DR1: variants seen among roughly 807,000 people sequenced by gnomAD.
DR1 encodes the protein down-regulator of transcription 1.
DR1 carries 7 observed loss-of-function variants against 19.9 expected under a neutral mutation model. That is an observed-to-expected ratio of 0.35 (90% CI 0.20 to 0.66). DR1 has a LOEUF of 0.66. Among genes scored for constraint, DR1 ranks in the 30% least tolerant of loss-of-function variants. The pLI, the probability that DR1 is intolerant of heterozygous loss-of-function variation, is 0.66. For synonymous variants in DR1, 76 were observed against 72.5 expected (o/e 1.05, Z -0.24); for missense variants, 98 against 203.7 (o/e 0.48, Z 3.16).
intron 1 of DR1, among the ~76,000 whole-genome samples, chr1:93,351,436 C>CTTTTTT (rs397862048): frequency 1.8e-4 from 19 of 103,840 alleles, no homozygotes; most frequent in East Asian, 2.8e-4. Flanking sequence ...GATTTTCTTT[C>CTTTTTT]TTTTTTTTTT....
In DR1 at chr1:93,362,517, G is replaced by A. The variant is rs1002652805; in HGVS notation, c.*1878G>A. The A allele has an allele frequency of 2.7e-5, 4 of 149,500 alleles. No individual in the cohort carries two copies. The highest frequency in any genetic ancestry group is 9.8e-5 in the African/African-American group (4 of 40,650). 9.3% of individuals were successfully genotyped at this position (149,500 alleles called of 1,614,324 possible). ...ATGTATTATACGTTTGAAGCCTAGT[G>A]ACTTTTCATTTTGACATTCTTGTGA... On this transcript the variant is annotated 3_prime_UTR_variant, in exon 3 of 3. Transcript: ENST00000370272.
chr1:93,346,181 T>TGGCGGC lies in DR1; in HGVS notation c.-458_-453dup, dbSNP rs1295046575. Reference sequence around the variant, plus strand: ...TGGCCGAGGCGGCGGCAACGGCTGCTGGCGGCGGCGGCAGCGGCAGCGGGG... The same window carrying TGGCGGC: ...TGGCCGAGGCGGCGGCAACGGCTGCTGGCGGCGGCGGCGGCGGCAGCGGCAGCGGGG... On this transcript the variant is annotated 5_prime_UTR_variant, in exon 1 of 3. Transcript: ENST00000370272. 1 of 224,568 alleles carries TGGCGGC rather than the reference T, an allele frequency of 4.5e-6. No individual in the cohort carries two copies. The highest frequency in any genetic ancestry group is 1.7e-4 in the East Asian group (1 of 6,048). 13.9% of individuals were successfully genotyped at this position (224,568 alleles called of 1,614,324 possible).
chr1:93,355,091 T>C (rs1004839165), intron 2 of DR1: 4 of 152,120 alleles, frequency 2.6e-5, no homozygotes, highest in Admixed American at 2.6e-4. Flanking sequence ...TTAAAAACAT[T>C]AATGGCTATT....
rs772435498 is a variant in DR1 at position 93,360,507 on chromosome 1, A to G, written c.399A>G (p.Gln133=). Residue 133 remains glutamine, a synonymous_variant, in exon 3 of 3, where the codon CAA becomes CAG. Coordinates refer to ENST00000370272, the MANE Select transcript of DR1 (RefSeq NM_001938.3). ...QELFAKARQQ[Q]AELAQQEWLQ... Reference sequence around the variant, plus strand: ...TGGGTGTTTAGGCTAGACAGCAACAAGCAGAATTGGCCCAACAGGAATGGC... The same window carrying G: ...TGGGTGTTTAGGCTAGACAGCAACAGGCAGAATTGGCCCAACAGGAATGGC... 3.8e-6 allele frequency: 6 copies of G among 1,582,558 alleles called. No individual in the cohort carries two copies. In the South Asian group the frequency reaches 7.1e-5, roughly 19 times the overall value.
In DR1 at chr1:93,346,412, C is replaced by T; in HGVS notation, c.-234C>T. On this transcript the variant is annotated 5_prime_UTR_variant, in exon 1 of 3. Transcript: ENST00000370272. Reference sequence around the variant, plus strand: ...TCCCCTCCTCAGCCTGGGCTGTGCTCTCTCTAGAATCCTCGGGCCCCCACT... The same window carrying T: ...TCCCCTCCTCAGCCTGGGCTGTGCTTTCTCTAGAATCCTCGGGCCCCCACT... The T allele has an allele frequency of 5.5e-6, 3 of 545,818 alleles. No homozygotes were observed. Among genetic ancestry groups the T allele is most frequent in the Admixed American group, 6.2e-5 (2 of 32,066 alleles). The allele number at this position is 545,818 out of a possible 1,614,324, so 33.8% of individuals were successfully genotyped here.
chr1:93,363,028 T>C lies in DR1; in HGVS notation c.*2389T>C, dbSNP rs988293804. Reference sequence around the variant, plus strand: ...TTCGGCAGATTATCAGATTAGTAAGTGTTTAAAAGGCATCAGTTTTTAAAA... The same window carrying C: ...TTCGGCAGATTATCAGATTAGTAAGCGTTTAAAAGGCATCAGTTTTTAAAA... On this transcript the variant is annotated 3_prime_UTR_variant, in exon 3 of 3. Coordinates refer to ENST00000370272, the MANE Select transcript of DR1 (RefSeq NM_001938.3). 8 of 152,026 alleles carry C rather than the reference T, an allele frequency of 5.3e-5. No homozygotes were observed. Among genetic ancestry groups the C allele is most frequent in the Admixed American group, 2.6e-4 (4 of 15,272 alleles). The allele number at this position is 152,026 out of a possible 1,614,324, so 9.4% of individuals were successfully genotyped here. A position where few individuals can be genotyped will look rare whatever the true frequency, so the allele number is the denominator to read the frequency against.
chr1:93,359,172 TTAGAATTTATATC>T, intron 2 of DR1, among the ~76,000 whole-genome samples: 3 of 152,318 alleles, frequency 2.0e-5, no homozygotes, highest in Admixed American at 2.0e-4. Context: ...AGTGACCTGA[TTAGAATTTATATC>T]TAGAAATGTT....
At chr1:93,357,747 C>T (rs925458954) in intron 2 of DR1, among the ~76,000 whole-genome samples, 4 of 151,996 alleles carry the variant, frequency 2.6e-5, no homozygotes. Context: ...GGATAGCTTT[C>T]CCCCAAGGTA....
rs1480372125 is a variant in DR1, at chr1:93,366,366, A to G, written c.*5727A>G. 6.6e-6 allele frequency: 1 copy of G among 152,182 alleles called. No homozygotes were observed. The highest frequency in any genetic ancestry group is 1.9e-4 in the East Asian group (1 of 5,192). The allele number at this position is 152,182 out of a possible 1,614,324, so 9.4% of individuals were successfully genotyped here. On this transcript the variant is annotated 3_prime_UTR_variant, in exon 3 of 3. Transcript: ENST00000370272. ...AATGCTTCTGTGAACGTGGGTATAC[A>G]AATAACTGTTTGAGTCCTAATAGGC...
At chr1:93,357,604 G>C (rs1033646002) in intron 2 of DR1, among the ~76,000 whole-genome samples, 2 of 151,990 alleles carry the variant, frequency 1.3e-5, no homozygotes, top group Non-Finnish European at 2.9e-5. Flanking sequence ...TTTAACTTCT[G>C]TCCTACCACA....
At chr1:93,354,447 G>A (rs190929387) in intron 2 of DR1, among the ~76,000 whole-genome samples, 138 of 152,268 alleles carry the variant, frequency 9.1e-4, no homozygotes, top group African/African-American at 3.2e-3. Flanking sequence ...TATCAACTGT[G>A]TAGTTAAATT....
At position 93,362,329 on chromosome 1, in the gene DR1, A is replaced by G. The variant is rs1667065376; in HGVS notation, c.*1690A>G. 1 of 152,462 alleles carries G rather than the reference A, an allele frequency of 6.6e-6. No individual in the cohort carries two copies. The highest frequency in any genetic ancestry group is 2.4e-5 in the African/African-American group (1 of 41,446). The allele number at this position is 152,462 out of a possible 1,614,324, so 9.4% of individuals were successfully genotyped here. On this transcript the variant is annotated 3_prime_UTR_variant, in exon 3 of 3. Transcript: ENST00000370272. ...AGTACCAAAGGTAGTCTAGTCTAGA[A>G]CGATAAGTTAATACGTGTTGGCTTT...
At chr1:93,354,172 C>T in intron 2 of DR1, 101 bp downstream of exon 2, 1 of 1,184,970 alleles carries the variant, frequency 8.4e-7, no homozygotes, top group Non-Finnish European at 1.2e-6. Flanking sequence ...TTCCCTTTTT[C>T]TAGGTAGTTG....
rs751080877 is a variant in DR1, at chr1:93,346,645, T to C, written c.-1T>C. ...CGGGGCGCGAGAAACAGGAAGGTAC[T>C]ATGGCTTCCTCGTCTGGCAACGATG... is the stretch of plus-strand genomic sequence containing the variant. On this transcript the variant is annotated 5_prime_UTR_variant, in exon 1 of 3. Coordinates refer to ENST00000370272, the MANE Select transcript of DR1 (RefSeq NM_001938.3). 2.5e-6 allele frequency: 4 copies of C among 1,613,000 alleles called. No individual in the cohort carries two copies. The Admixed American group carries it at 6.7e-5, about 27-fold the overall frequency.
chr1:93,353,060 A>C (rs1483370996), intron 1 of DR1, among the ~76,000 whole-genome samples: 1 of 151,844 alleles, frequency 6.6e-6, no homozygotes, highest in Non-Finnish European at 1.5e-5. Flanking sequence ...ACACTCGACT[A>C]ATTTTTTTAC....
At chr1:93,354,201 C>T (rs1239159987) in intron 2 of DR1, 130 bp downstream of exon 2, 1 of 812,080 alleles carries the variant, frequency 1.2e-6, no homozygotes, top group Non-Finnish European at 1.8e-6. Flanking sequence ...TTCTGGTGTT[C>T]AGAGCTGACC....
At chr1:93,356,380 T>A (rs952547595) in intron 2 of DR1, among the ~76,000 whole-genome samples, 6 of 152,216 alleles carry the variant, frequency 3.9e-5, no homozygotes, top group Admixed American at 6.5e-5. Flanking sequence ...TAGCTGGGAC[T>A]ATAGATGTGC....
intron 1 of DR1, among the ~76,000 whole-genome samples, chr1:93,351,962 C>T (rs1666917568): frequency 6.6e-6 from 1 of 152,174 alleles, no homozygotes; most frequent in South Asian, 2.1e-4. Flanking sequence ...AATACATAGT[C>T]TGAGTTGGTT....
intron 2 of DR1, among the ~76,000 whole-genome samples, chr1:93,359,078 A>C (rs1667025425): frequency 6.6e-6 from 1 of 152,240 alleles, no homozygotes; most frequent in South Asian, 2.1e-4. Flanking sequence ...GTTGGGGTAG[A>C]CACTAATTTG....
Sources: gnomAD v4.1 joint callset for allele counts (sites outside exome capture counted in the v4.1 genomes callset) on GRCh38, gnomAD v4.1.1 for gene constraint, MANE v1.5 for transcripts, NCBI Gene and HGNC (gene_info 2026-07-23, HGNC 2026-07-21) for gene names.